The following SLC5A4 variants were observed in gnomAD, a reference collection of about 807,000 sequenced individuals.
The protein encoded by SLC5A4 is solute carrier family 5 member 4.
SLC5A4 carries 55 observed loss-of-function variants against 70.3 expected under a neutral mutation model. The ratio of observed to expected loss-of-function variants is 0.78; its 90% CI spans 0.63 to 0.98. The LOEUF is 0.98. SLC5A4 is among the 50% of genes least tolerant of loss of function. The pLI, the probability that SLC5A4 is intolerant of heterozygous loss-of-function variation, is 0.00. For synonymous variants in SLC5A4, 268 were observed against 305.7 expected (o/e 0.88, Z 1.29); for missense variants, 735 against 839.2 (o/e 0.88, Z 1.53).
At chr22:32,338,494 G>GT in the SLC5A4 span, among the ~76,000 whole-genome samples, 1 of 151,996 alleles carries the variant, frequency 6.6e-6, no homozygotes, top group East Asian at 1.9e-4. Context: ...CACCCACCCT[G>GT]TCTCCACTAA....
the SLC5A4 span, among the ~76,000 whole-genome samples, chr22:32,329,259 C>G: frequency 6.6e-6 from 1 of 152,118 alleles, no homozygotes; most frequent in Non-Finnish European, 1.5e-5. Context: ...AGCCTTAGCT[C>G]GAAGTCACCA....
chr22:32,293,570 C>A, the SLC5A4 span, among the ~76,000 whole-genome samples: 1 of 152,026 alleles, frequency 6.6e-6, no homozygotes, highest in Non-Finnish European at 1.5e-5. Context: ...TTAATTTATA[C>A]CCCTCCTGTG....
chr22:32,307,454 A>C, the SLC5A4 span, among the ~76,000 whole-genome samples: 1 of 152,260 alleles, frequency 6.6e-6, no homozygotes, highest in East Asian at 1.9e-4. Context: ...AGGTGGTCCC[A>C]GCTATAGCAG....
chr22:32,339,352 C>CA, the SLC5A4 span, among the ~76,000 whole-genome samples: 1 of 152,208 alleles, frequency 6.6e-6, no homozygotes, highest in South Asian at 2.1e-4. Context: ...CTAAAGGCTA[C>CA]TTGTGTCCAT....
intron 8 of SLC5A4, 40 bp from the exon 9 acceptor site, chr22:32,233,074 G>A: frequency 6.3e-7 from 1 of 1,590,932 alleles, no homozygotes; most frequent in South Asian, 1.1e-5. Context: ...ACAAGCCAGG[G>A]GATGATTTCA....
the SLC5A4 span, among the ~76,000 whole-genome samples, chr22:32,302,966 C>CTTCATTTATTTAGAT: frequency 6.6e-6 from 1 of 152,120 alleles, no homozygotes; most frequent in South Asian, 2.1e-4. Context: ...TGTCACATCT[C>CTTCATTTATTTAGAT]TTCATTTATT....
At chr22:32,276,884 G>C in the SLC5A4 span, 2 of 152,010 alleles carry the variant, frequency 1.3e-5, no homozygotes, top group Admixed American at 6.6e-5. Context: ...TCATTAATAA[G>C]GTCATATAGT....
At chr22:32,338,915 T>C in the SLC5A4 span, among the ~76,000 whole-genome samples, 1 of 152,324 alleles carries the variant, frequency 6.6e-6, no homozygotes, top group African/African-American at 2.4e-5. Flanking sequence ...TTCTGGAGTA[T>C]GTCTCCTCCT....
intron 5 of SLC5A4, among the ~76,000 whole-genome samples, chr22:32,242,072 T>A (rs537380287): frequency 6.6e-6 from 1 of 152,058 alleles, no homozygotes; most frequent in Non-Finnish European, 1.5e-5. Flanking sequence ...TATATGTATG[T>A]GTGTGTGTGA....
chr22:32,232,802 T>G (rs2123892224), intron 9 of SLC5A4, 97 bp downstream of exon 9: 1 of 1,463,600 alleles, frequency 6.8e-7, no homozygotes, highest in East Asian at 2.3e-5. Context: ...TTTTACTTCC[T>G]TCCAGAATGG....
chr22:32,344,124 T>G, the SLC5A4 span, among the ~76,000 whole-genome samples: 1 of 152,200 alleles, frequency 6.6e-6, no homozygotes, highest in Non-Finnish European at 1.5e-5. Context: ...ATGAGAAGGC[T>G]AGTTTTCAAT....
the SLC5A4 span, among the ~76,000 whole-genome samples, chr22:32,307,753 G>C: frequency 1.3e-5 from 2 of 152,214 alleles, no homozygotes; most frequent in Admixed American, 6.5e-5. Flanking sequence ...CTTGTCTTCC[G>C]GAGGGGACAG....
the SLC5A4 span, among the ~76,000 whole-genome samples, chr22:32,277,802 C>T: frequency 6.6e-6 from 1 of 152,234 alleles, no homozygotes. Context: ...CCCGCCTCGG[C>T]CTCCCAAAGT....
the SLC5A4 span, among the ~76,000 whole-genome samples, chr22:32,333,143 G>C: frequency 6.6e-6 from 1 of 152,028 alleles, no homozygotes; most frequent in Non-Finnish European, 1.5e-5. Context: ...GTGGGTGTAG[G>C]AGTGGAATGA....
In SLC5A4 at chr22:32,239,030, C is replaced by A. The variant is rs777996096; in HGVS notation, c.538G>T (p.Ala180Ser). The part of the protein sequence containing the change: ...KLALGLDLYL[A>S]IFILLAMTAV... Reference sequence around the variant, plus strand: ...GTCATAGCCAAGAGGATGAAGATTGCCAGGTAAAGGTCCAATCCCAAGGCC... The same window carrying A: ...GTCATAGCCAAGAGGATGAAGATTGACAGGTAAAGGTCCAATCCCAAGGCC... The change falls in exon 6 of 15, where the codon GCA (alanine) becomes TCA (serine). Residue 180 changes from alanine (A) to serine (S), a missense_variant. Coordinates refer to ENST00000266086, the MANE Select transcript of SLC5A4 (RefSeq NM_014227.3). 6.2e-7 allele frequency: 1 copy of A among 1,613,912 alleles called. No individual in the cohort carries two copies. The highest frequency in any genetic ancestry group is 8.5e-7 in the Non-Finnish European group (1 of 1,179,876).
intron 9 of SLC5A4, 138 bp downstream of exon 9, chr22:32,232,761 T>A (rs1769342489): frequency 3.8e-6 from 4 of 1,064,006 alleles, no homozygotes; most frequent in Non-Finnish European, 5.4e-6. Context: ...TTGACCACTG[T>A]GCAGGCTGCT....
chr22:32,329,346 T>C, the SLC5A4 span, among the ~76,000 whole-genome samples: 3 of 152,134 alleles, frequency 2.0e-5, no homozygotes, highest in East Asian at 3.9e-4. Flanking sequence ...GTAACAACAC[T>C]TGGCACACAG....
At chr22:32,255,017 G>A (rs1927395174) in intron 1 of SLC5A4, among the ~76,000 whole-genome samples, 178 bp downstream of exon 1, 1 of 152,124 alleles carries the variant, frequency 6.6e-6, no homozygotes, top group Admixed American at 6.5e-5. Flanking sequence ...ACACGATGGG[G>A]TTATTAGGAG....
the SLC5A4 span, among the ~76,000 whole-genome samples, chr22:32,328,694 C>T: frequency 0.024 from 3,616 of 152,282 alleles, 151 homozygotes; most frequent in African/African-American, 0.083. Flanking sequence ...AAAGCCACAC[C>T]CTGACTTACA....
Sources: allele counts gnomAD v4.1 joint callset (sites outside exome capture counted in the v4.1 genomes callset), GRCh38; gene constraint gnomAD v4.1.1; transcripts MANE v1.5; gene names NCBI Gene and HGNC (gene_info 2026-07-23, HGNC 2026-07-21).